SOX5: variants seen among roughly 807,000 people sequenced by gnomAD.
The protein encoded by SOX5 is SRY-box transcription factor 5.
SOX5 carries 9 observed loss-of-function variants against 92.0 expected under a neutral mutation model. The observed-to-expected ratio is 0.10, with a 90% CI of 0.06 to 0.17. The LOEUF (loss-of-function observed/expected upper bound fraction) is 0.17, where lower values mean the gene tolerates loss of function less well. SOX5 is among the 10% of genes least tolerant of loss of function. The pLI is 1.00. For missense variants in SOX5, 642 were observed against 944.5 expected (o/e 0.68, Z 4.20); for synonymous variants, 344 against 336.3 (o/e 1.02, Z -0.25).
At chr12:24,138,623 G>C (rs1202470688) in intron 4 of SOX5, among the ~76,000 whole-genome samples, 1 of 152,188 alleles carries the variant, frequency 6.6e-6, no homozygotes, top group East Asian at 1.9e-4. Flanking sequence ...GAAAATGTTT[G>C]CAAGTCAGGT....
chr12:23,738,194 A>C (rs1487796171), intron 5 of SOX5, among the ~76,000 whole-genome samples: 1 of 152,244 alleles, frequency 6.6e-6, no homozygotes, highest in Non-Finnish European at 1.5e-5. Flanking sequence ...CAGGTCCTTT[A>C]GCTTTTGTAA....
intron 3 of SOX5, among the ~76,000 whole-genome samples, chr12:24,245,205 G>T (rs1376869733): frequency 6.7e-6 from 1 of 150,346 alleles, no homozygotes; most frequent in Non-Finnish European, 1.5e-5. Flanking sequence ...CTGCATGATG[G>T]CTAAGAGCAT....
intron 1 of SOX5, among the ~76,000 whole-genome samples, chr12:24,490,488 G>T (rs2137955755): frequency 6.6e-6 from 1 of 152,196 alleles, no homozygotes; most frequent in South Asian, 2.1e-4. Flanking sequence ...ATGACCGTTA[G>T]TACCATGCAA....
intron 6 of SOX5, among the ~76,000 whole-genome samples, chr12:23,686,000 C>T (rs1162842278): frequency 1.3e-5 from 2 of 152,114 alleles, no homozygotes; most frequent in Non-Finnish European, 2.9e-5. Context: ...ATCTTCCATA[C>T]AACAGGCACA....
chr12:24,425,448 C>T (rs1966616179), intron 1 of SOX5, among the ~76,000 whole-genome samples: 1 of 152,146 alleles, frequency 6.6e-6, no homozygotes, highest in African/African-American at 2.4e-5. Context: ...CACTGCATAC[C>T]CAAACCATCA....
intron 3 of SOX5, among the ~76,000 whole-genome samples, chr12:23,804,997 G>C (rs1312317121): frequency 8.2e-6 from 1 of 121,388 alleles, no homozygotes. Context: ...ACATAAAAAT[G>C]TAACTTTCTA....
intron 3 of SOX5, among the ~76,000 whole-genome samples, chr12:24,255,123 A>G (rs1406221727): frequency 1.3e-5 from 2 of 152,124 alleles, no homozygotes; most frequent in African/African-American, 4.8e-5. Flanking sequence ...CAGTTTTTTC[A>G]CTAGCATCTT....
At position 24,168,187 on chromosome 12, in the gene SOX5, G is replaced by C. The variant is rs1953649906; in HGVS notation, c.-2+45156C>G. The stretch of plus-strand genomic sequence containing the variant: ...CAGTCTAAACTTGTAGAGTTAAACA[G>C]TCCCTCCATGGTGAGATTTTAGACT... On this transcript the variant is annotated intron_variant, in intron 4 of 4. Transcript: ENST00000446891. Among the ~76,000 whole-genome samples the C allele has an allele frequency of 2.0e-5, 3 of 152,178 alleles. No individual in the cohort carries two copies. The South Asian group carries it at 6.2e-4, about 32-fold the overall frequency.
intron 4 of SOX5, among the ~76,000 whole-genome samples, chr12:24,068,704 GTATATATATATATATATA>G (rs1164844032): frequency 0.038 from 2,850 of 74,228 alleles, 93 homozygotes; most frequent in Admixed American, 0.056. Context: ...GTGTGTGTGT[GTATATATATATATATATA>G]TATATATATA....
chr12:24,110,759 G>A, intron 4 of SOX5, among the ~76,000 whole-genome samples: 1 of 151,458 alleles, frequency 6.6e-6, no homozygotes. Context: ...AAATTAGCTG[G>A]GCATAGTGGC....
intron 2 of SOX5, among the ~76,000 whole-genome samples, chr12:23,870,519 G>T (rs4363705): frequency 0.078 from 11,857 of 152,072 alleles, 1,265 homozygotes; most frequent in East Asian, 0.48. Flanking sequence ...ACACAAGAAA[G>T]CACTTAACAA....
chr12:23,727,480 C>G (rs2093196138), intron 6 of SOX5, among the ~76,000 whole-genome samples: 11 of 151,876 alleles, frequency 7.2e-5, no homozygotes, highest in Admixed American at 7.2e-4. Flanking sequence ...GAAAAAATAA[C>G]AGAAATTGGC....
intron 4 of SOX5, among the ~76,000 whole-genome samples, chr12:24,035,684 T>C (rs1164584802): frequency 1.3e-5 from 2 of 152,130 alleles, no homozygotes; most frequent in African/African-American, 2.4e-5. Context: ...AAATAGTTTC[T>C]TAATAAAATA....
exon 1 of SOX5, chr12:24,562,452 G>A (rs1399440596): frequency 2.0e-5 from 3 of 152,552 alleles, no homozygotes; most frequent in Non-Finnish European, 2.9e-5. Flanking sequence ...TTCACTCTGT[G>A]TGTGTGTGTC....
intron 4 of SOX5, among the ~76,000 whole-genome samples, chr12:24,086,682 T>C (rs1348040788): frequency 6.6e-6 from 1 of 152,036 alleles, no homozygotes; most frequent in African/African-American, 2.4e-5. Context: ...AGTAACTATA[T>C]TCTTTCTATG....
chr12:23,858,992 T>C (rs2096724420), intron 2 of SOX5, among the ~76,000 whole-genome samples: 1 of 152,230 alleles, frequency 6.6e-6, no homozygotes, highest in Admixed American at 6.5e-5. Context: ...CTGTCTTTAA[T>C]CTCTTAATCC....
intron 4 of SOX5, among the ~76,000 whole-genome samples, chr12:23,971,602 C>T (rs1164552868): frequency 6.6e-6 from 1 of 150,928 alleles, no homozygotes; most frequent in Admixed American, 6.6e-5. Context: ...TAGCTTCATA[C>T]TTTTTTCACA....
chr12:23,865,485 C>G (rs2096800740), intron 2 of SOX5, among the ~76,000 whole-genome samples: 2 of 152,180 alleles, frequency 1.3e-5, no homozygotes, highest in South Asian at 4.1e-4. Flanking sequence ...ACCACCTTGG[C>G]TAACATGGTG....
chr12:24,103,623 T>C (rs79252381), intron 4 of SOX5, among the ~76,000 whole-genome samples: 7 of 152,168 alleles, frequency 4.6e-5, no homozygotes, highest in Admixed American at 2.0e-4. Flanking sequence ...CCCAATATCA[T>C]TATCTGAATT....
Sources: allele counts gnomAD v4.1 joint callset (sites outside exome capture counted in the v4.1 genomes callset), GRCh38; gene constraint gnomAD v4.1.1; transcripts MANE v1.5; gene names NCBI Gene and HGNC (gene_info 2026-07-23, HGNC 2026-07-21).